Variants in ZNF521 observed in about 807,000 individuals in gnomAD.
ZNF521 encodes zinc finger protein 521, also known as LYST-interacting protein 3.
Under a neutral mutation model 105.5 loss-of-function variants are expected in ZNF521, and 14 were observed. The ratio of observed to expected loss-of-function variants is 0.13; its 90% CI spans 0.09 to 0.21. The LOEUF (loss-of-function observed/expected upper bound fraction) is 0.21, where lower values mean the gene tolerates loss of function less well. ZNF521 is among the 10% of genes least tolerant of loss of function. The pLI is 1.00. For synonymous variants in ZNF521, 635 were observed against 606.0 expected (o/e 1.05, Z -0.70); for missense variants, 1,233 against 1,629.7 (o/e 0.76, Z 4.19).
chr18:25,065,254 G>A (rs2033025788), intron 7 of ZNF521, among the ~76,000 whole-genome samples: 1 of 152,106 alleles, frequency 6.6e-6, no homozygotes, highest in Non-Finnish European at 1.5e-5. Flanking sequence ...CTCCAAATGG[G>A]AAAATCCAAA....
chr18:25,300,741 ATTTAAC>A (rs950835205), intron 3 of ZNF521, among the ~76,000 whole-genome samples: 6 of 152,216 alleles, frequency 3.9e-5, no homozygotes, highest in African/African-American at 1.2e-4. Flanking sequence ...ATTTACAAAT[ATTTAAC>A]TTTAATTTCA....
intron 5 of ZNF521, among the ~76,000 whole-genome samples, chr18:25,111,967 T>A (rs1717482036): frequency 6.6e-6 from 1 of 152,124 alleles, no homozygotes; most frequent in Non-Finnish European, 1.5e-5. Flanking sequence ...CAGATCACTA[T>A]GAGGAGAGGG....
At chr18:25,273,930 G>A (rs1267858366) in intron 3 of ZNF521, among the ~76,000 whole-genome samples, 2 of 152,092 alleles carry the variant, frequency 1.3e-5, no homozygotes, top group Non-Finnish European at 2.9e-5. Flanking sequence ...CAGAACTTCA[G>A]GGTAGAAAGG....
At position 25,322,049 on chromosome 18, in the gene ZNF521, C is replaced by T; in HGVS notation, c.179G>A (p.Ser60Asn). 6.2e-7 allele frequency: 1 copy of T among 1,614,176 alleles called. No homozygotes were observed. The highest frequency in any genetic ancestry group is 8.5e-7 in the Non-Finnish European group (1 of 1,180,040). Residue 60 changes from serine (S) to asparagine (N), a missense_variant, in exon 3 of 8, where the codon AGC becomes AAC. By Grantham distance (46) the Ser-to-Asn change is conservative. Around this residue, in one of 6 missense-constraint regions of ZNF521, gnomAD observed 76 missense variants for 79.3 expected, o/e 0.96. Transcript: ENST00000361524. ...ATTAATCTTGTGTTCTGTGATATCG[C>T]TCAGCGATTCAAACACCTGGAGGCA... ...DSCLQVFESL[S>N]DITEHKINQC...
intron 5 of ZNF521, among the ~76,000 whole-genome samples, chr18:25,168,399 C>T (rs896702838): frequency 2.0e-5 from 3 of 152,100 alleles, no homozygotes; most frequent in Non-Finnish European, 4.4e-5. Context: ...GGTTCTGTAT[C>T]CAACTGAACA....
At chr18:25,200,437 G>A (rs547664032) in intron 4 of ZNF521, among the ~76,000 whole-genome samples, 6 of 150,826 alleles carry the variant, frequency 4.0e-5, no homozygotes, top group African/African-American at 4.9e-5. Flanking sequence ...GTACCTTTAC[G>A]TGTATTTGTC....
chr18:25,293,133 A>C (rs1445794218), intron 3 of ZNF521, among the ~76,000 whole-genome samples: 1 of 152,342 alleles, frequency 6.6e-6, no homozygotes, highest in African/African-American at 2.4e-5. Flanking sequence ...AACATAAAAC[A>C]ACCAAAAAGT....
chr18:25,347,360 A>G (rs1914510168), intron 2 of ZNF521, among the ~76,000 whole-genome samples: 1 of 152,252 alleles, frequency 6.6e-6, no homozygotes. Flanking sequence ...TAAGGACAGA[A>G]TAAGTTTGTC....
chr18:25,249,632 T>C (rs1403830155), intron 3 of ZNF521, among the ~76,000 whole-genome samples: 1 of 152,144 alleles, frequency 6.6e-6, no homozygotes, highest in African/African-American at 2.4e-5. Context: ...CAGCTAATTT[T>C]TGTGCCTTTA....
At chr18:25,266,892 A>G (rs977627345) in intron 3 of ZNF521, among the ~76,000 whole-genome samples, 5 of 151,926 alleles carry the variant, frequency 3.3e-5, no homozygotes, top group Non-Finnish European at 7.4e-5. Context: ...CTTTTTTTCC[A>G]TATCCCAGTG....
intron 5 of ZNF521, among the ~76,000 whole-genome samples, chr18:25,189,047 A>G (rs2035774819): frequency 6.6e-6 from 1 of 152,246 alleles, no homozygotes; most frequent in South Asian, 2.1e-4. Context: ...TTTGTCTTTT[A>G]ATAGCTTAAC....
chr18:25,276,533 A>C (rs1270119505), intron 3 of ZNF521, among the ~76,000 whole-genome samples: 1 of 152,218 alleles, frequency 6.6e-6, no homozygotes, highest in Non-Finnish European at 1.5e-5. Flanking sequence ...ACAGAGAAAG[A>C]GCTCACTTAG....
At chr18:25,345,668 C>T (rs1914429897) in intron 2 of ZNF521, among the ~76,000 whole-genome samples, 1 of 152,170 alleles carries the variant, frequency 6.6e-6, no homozygotes, top group Non-Finnish European at 1.5e-5. Context: ...TTGACTAGCA[C>T]TCATGGGATC....
At chr18:25,294,464 A>T (rs1911208921) in intron 3 of ZNF521, among the ~76,000 whole-genome samples, 1 of 152,196 alleles carries the variant, frequency 6.6e-6, no homozygotes, top group South Asian at 2.1e-4. Context: ...ACTAGTAGCA[A>T]ACTCTGTTTT....
Position 25,172,402 on chromosome 18 carries a change from T to G in ZNF521, c.3658+22758A>C, listed in dbSNP as rs117908273. On this transcript the variant is annotated intron_variant, in intron 5 of 7. Coordinates refer to ENST00000361524, the MANE Select transcript of ZNF521 (RefSeq NM_015461.3). ...TTCCCCTCAAATTGCTAATATGAGA[T>G]AGTCCAGTCGAGTCCTCCATTTCAG... Among the ~76,000 whole-genome samples the G allele has an allele frequency of 7.7e-4, 117 of 152,320 alleles. No homozygotes were observed. The East Asian group carries it at 0.02, about 26-fold the overall frequency.
chr18:25,116,551 C>T (rs1410501044), intron 5 of ZNF521, among the ~76,000 whole-genome samples: 2 of 152,020 alleles, frequency 1.3e-5, no homozygotes, highest in African/African-American at 4.8e-5. Flanking sequence ...CTTGGATTGG[C>T]AGAATAAACT....
chr18:25,160,235 AC>A (rs1160958148), intron 5 of ZNF521, among the ~76,000 whole-genome samples: 1 of 152,144 alleles, frequency 6.6e-6, no homozygotes, highest in Non-Finnish European at 1.5e-5. Context: ...AATCGGGTAA[AC>A]TTTTGCCCGT....
At chr18:25,120,048 C>T (rs1433456909) in intron 5 of ZNF521, among the ~76,000 whole-genome samples, 1 of 151,994 alleles carries the variant, frequency 6.6e-6, no homozygotes, top group Non-Finnish European at 1.5e-5. Flanking sequence ...CAATTTTATG[C>T]CAACAAATTT....
intron 5 of ZNF521, among the ~76,000 whole-genome samples, chr18:25,117,184 C>T (rs2034346067): frequency 6.6e-6 from 1 of 151,416 alleles, no homozygotes; most frequent in Admixed American, 6.6e-5. Context: ...GTATGTGTTT[C>T]CCCATCTCTA....
Sources: gnomAD v4.1 joint callset for allele counts (sites outside exome capture counted in the v4.1 genomes callset) on GRCh38, gnomAD v4.1.1 for gene constraint, gnomAD v4.1.1 regional missense constraint, MANE v1.5 for transcripts, NCBI Gene and HGNC (gene_info 2026-07-23, HGNC 2026-07-21) for gene names.